The following EYS variants were observed in gnomAD, a reference collection of about 807,000 sequenced individuals.
The protein encoded by EYS is EGF-like photoreceptor maintenance factor.
A neutral mutation model predicts 282.1 loss-of-function variants in EYS; 250 were observed. That is an observed-to-expected ratio of 0.89 (90% confidence interval 0.80 to 0.98). EYS has a LOEUF of 0.98. EYS is among the 50% of genes least tolerant of loss of function. The pLI, the probability that EYS is intolerant of heterozygous loss-of-function variation, is 0.00. For synonymous variants in EYS, 1,355 were observed against 1,282.9 expected (o/e 1.06, Z -1.20); for missense variants, 4,016 against 3,709.0 (o/e 1.08, Z -2.15).
At chr6:64,937,714 A>G (rs888511600) in intron 15 of EYS, among the ~76,000 whole-genome samples, 6 of 151,656 alleles carry the variant, frequency 4.0e-5, no homozygotes, top group Non-Finnish European at 8.9e-5. Context: ...CACTTTGGAA[A>G]AGAGTTTGGA....
chr6:64,339,953 C>A (rs546368140), intron 29 of EYS, among the ~76,000 whole-genome samples: 4 of 151,746 alleles, frequency 2.6e-5, no homozygotes, highest in African/African-American at 9.6e-5. Flanking sequence ...TCAGTGAATA[C>A]TTCTCGGGTT....
Position 63,721,545 on chromosome 6 carries a change from A to AT in EYS, c.8485_8486insA (p.Leu2829TyrfsTer12). 1 of 1,551,758 alleles carries AT rather than the reference A, an allele frequency of 6.4e-7. No individual in the cohort carries two copies. Reference sequence around the variant, plus strand: ...TATTGCCATGGGATTTACAAGATTTAAAGAAGATACTCCTCCAATATAGAA... The same window carrying AT: ...TATTGCCATGGGATTTACAAGATTTATAAGAAGATACTCCTCCAATATAGAA... On this transcript the variant is annotated frameshift_variant, in exon 43 of 43. Coordinates refer to ENST00000503581, the MANE Select transcript of EYS (RefSeq NM_001142800.2). LOFTEE classifies it low-confidence loss of function (END_TRUNC).
intron 26 of EYS, among the ~76,000 whole-genome samples, chr6:64,479,273 T>C (rs1776366196): frequency 6.6e-6 from 1 of 151,996 alleles, no homozygotes; most frequent in South Asian, 2.1e-4. Context: ...AGTCCTCTCC[T>C]AGGATTCTTC....
intron 26 of EYS, among the ~76,000 whole-genome samples, chr6:64,465,294 T>C (rs1198632550): frequency 6.6e-6 from 1 of 152,022 alleles, no homozygotes; most frequent in Admixed American, 6.6e-5. Flanking sequence ...AGAAAAATCC[T>C]GGATAGCCAA....
chr6:64,309,979 C>T (rs1355957215), intron 29 of EYS, among the ~76,000 whole-genome samples: 1 of 147,224 alleles, frequency 6.8e-6, no homozygotes, highest in Non-Finnish European at 1.5e-5. Flanking sequence ...AAAAAAAATG[C>T]TCAACATCAC....
chr6:64,108,791 AC>A (rs1429663245), intron 31 of EYS, among the ~76,000 whole-genome samples: 1 of 151,832 alleles, frequency 6.6e-6, no homozygotes, highest in Non-Finnish European at 1.5e-5. Flanking sequence ...CTGTTATTGG[AC>A]CCCATCATCC....
chr6:65,495,144 T>C lies in EYS; in HGVS notation c.267A>G (p.Val89=). The C allele has an allele frequency of 6.2e-7, 1 of 1,614,000 alleles. No homozygotes were observed. Among genetic ancestry groups the C allele is most frequent in the Non-Finnish European group, 8.5e-7 (1 of 1,179,928 alleles). Residue 89 remains valine (V), a synonymous_variant, in exon 4 of 43, where the codon GTA becomes GTG. Coordinates refer to ENST00000503581, the MANE Select transcript of EYS (RefSeq NM_001142800.2). ...ATTGAAGAGATGGTTCAGAAGAAAT[T>C]ACAAGGATATCTCCTAATTGAATTT... is the stretch of plus-strand genomic sequence containing the variant. ...PLQIQLGDIL[V]ISSEPSLQFP... is the part of the protein sequence containing the mutation.
chr6:64,616,534 G>A (rs1433446278), intron 24 of EYS, among the ~76,000 whole-genome samples: 1 of 152,076 alleles, frequency 6.6e-6, no homozygotes, highest in Non-Finnish European at 1.5e-5. Flanking sequence ...AAAATCTTGT[G>A]TTCCGTGACA....
At chr6:64,538,468 A>G (rs1293042641) in intron 26 of EYS, among the ~76,000 whole-genome samples, 1 of 152,204 alleles carries the variant, frequency 6.6e-6, no homozygotes, top group Non-Finnish European at 1.5e-5. Flanking sequence ...AGGTTATTCA[A>G]AACCATATAG....
At chr6:65,585,792 A>G (rs965279212) in intron 2 of EYS, among the ~76,000 whole-genome samples, 1 of 151,888 alleles carries the variant, frequency 6.6e-6, no homozygotes, top group African/African-American at 2.4e-5. Context: ...AAACTATATG[A>G]GAGTCTTACA....
At chr6:64,031,005 C>T (rs368615323) in intron 33 of EYS, among the ~76,000 whole-genome samples, 45 of 152,346 alleles carry the variant, frequency 3.0e-4, no homozygotes, top group East Asian at 7.7e-4. Context: ...GAGGTGACGG[C>T]GTGTGCCCTC....
At chr6:64,770,042 C>T (rs1174834500) in intron 22 of EYS, among the ~76,000 whole-genome samples, 2 of 151,762 alleles carry the variant, frequency 1.3e-5, no homozygotes, top group South Asian at 4.2e-4. Context: ...TATTCCTTTA[C>T]ATAAGTTTGA....
chr6:64,207,065 A>G (rs1443171150), intron 31 of EYS, among the ~76,000 whole-genome samples: 1 of 152,040 alleles, frequency 6.6e-6, no homozygotes, highest in African/African-American at 2.4e-5. Context: ...ATAAGTGATG[A>G]CATGCAGTAT....
At chr6:65,375,701 A>C (rs1436216389) in intron 8 of EYS, among the ~76,000 whole-genome samples, 1 of 152,098 alleles carries the variant, frequency 6.6e-6, no homozygotes, top group Non-Finnish European at 1.5e-5. Flanking sequence ...GATGGAGCTG[A>C]AAAACACAGC....
chr6:65,441,428 A>G, intron 5 of EYS, among the ~76,000 whole-genome samples: 1 of 152,026 alleles, frequency 6.6e-6, no homozygotes, highest in Admixed American at 6.6e-5. Flanking sequence ...TTGAAAATGC[A>G]TTATGAAAGA....
intron 33 of EYS, among the ~76,000 whole-genome samples, chr6:64,047,118 C>A (rs534130460): frequency 3.2e-4 from 48 of 151,898 alleles, no homozygotes; most frequent in Middle Eastern, 3.4e-3. Context: ...AATTAGGCAC[C>A]TTTTTCCCCA....
intron 19 of EYS, among the ~76,000 whole-genome samples, chr6:64,859,718 G>C (rs1030018758): frequency 6.6e-6 from 1 of 152,202 alleles, no homozygotes; most frequent in Non-Finnish European, 1.5e-5. Context: ...CCCCAGCCAC[G>C]TGGAACTGTA....
At chr6:64,052,701 C>G (rs529544370) in intron 33 of EYS, among the ~76,000 whole-genome samples, 1 of 152,186 alleles carries the variant, frequency 6.6e-6, no homozygotes, top group East Asian at 1.9e-4. Context: ...AGGGCGGGAC[C>G]AGGTGGAGGT....
At chr6:64,733,347 GA>G (rs1772039281) in intron 22 of EYS, 1 of 175,354 alleles carries the variant, frequency 5.7e-6, no homozygotes. Flanking sequence ...CCTGATGACT[GA>G]CAGGAGCAGG....
Sources: gnomAD v4.1 joint callset for allele counts (sites outside exome capture counted in the v4.1 genomes callset) on GRCh38, gnomAD v4.1.1 for gene constraint, MANE v1.5 for transcripts, NCBI Gene and HGNC (gene_info 2026-07-23, HGNC 2026-07-21) for gene names.